The following SDK1 variants were observed in gnomAD, a reference collection of about 807,000 sequenced individuals.
The protein encoded by SDK1 is sidekick cell adhesion molecule 1.
In SDK1, 157 loss-of-function variants were observed where a neutral mutation model predicts 245.5. That is an observed-to-expected ratio of 0.64 (90% CI 0.56 to 0.73). The LOEUF (loss-of-function observed/expected upper bound fraction) is 0.73. Ranked by LOEUF, SDK1 falls within the 30% of genes least tolerant of loss-of-function variation. SDK1 has a pLI of 0.00. For synonymous variants in SDK1, 1,647 were observed against 1,278.5 expected, an observed-to-expected ratio of 1.29 and a Z score of -6.15; for missense variants, 3,583 against 3,002.3, an observed-to-expected ratio of 1.19 and a Z score of -4.52.
intron 1 of SDK1, among the ~76,000 whole-genome samples, chr7:3,435,447 C>G (rs1779994902): frequency 6.7e-6 from 1 of 149,806 alleles, no homozygotes; most frequent in South Asian, 2.1e-4. Context: ...TATCCTGCCT[C>G]AGGCTCCTGA....
At chr7:3,408,575 G>A (rs1430267160) in intron 1 of SDK1, among the ~76,000 whole-genome samples, 2 of 152,064 alleles carry the variant, frequency 1.3e-5, no homozygotes, top group African/African-American at 4.8e-5. Context: ...CATTTGTTTT[G>A]TTATTCAAGG....
At chr7:3,644,609 A>T (rs973526878) in intron 4 of SDK1, among the ~76,000 whole-genome samples, 4 of 149,456 alleles carry the variant, frequency 2.7e-5, no homozygotes, top group Admixed American at 6.7e-5. Flanking sequence ...ACTGAAAATT[A>T]AAAAAAAATA....
chr7:3,894,982 A>C (rs1029495812), intron 5 of SDK1, among the ~76,000 whole-genome samples: 2 of 152,030 alleles, frequency 1.3e-5, no homozygotes, highest in Non-Finnish European at 2.9e-5. Flanking sequence ...AGCCCTGCCA[A>C]GACTCTCATT....
At chr7:3,881,878 C>T (rs550205694) in intron 5 of SDK1, among the ~76,000 whole-genome samples, 28 of 152,124 alleles carry the variant, frequency 1.8e-4, no homozygotes, top group East Asian at 5.8e-4. Context: ...GGATGGGCTA[C>T]GGAAGCTTGG....
At chr7:3,692,115 T>G (rs1784454442) in intron 4 of SDK1, among the ~76,000 whole-genome samples, 1 of 152,206 alleles carries the variant, frequency 6.6e-6, no homozygotes, top group Admixed American at 6.5e-5. Flanking sequence ...AAGACAGACA[T>G]TAAGTAAATA....
chr7:3,566,583 C>T (rs573176671), intron 1 of SDK1, among the ~76,000 whole-genome samples: 1 of 151,910 alleles, frequency 6.6e-6, no homozygotes, highest in African/African-American at 2.4e-5. Context: ...GATTTTATCA[C>T]CATTACAGAT....
At chr7:3,729,837 C>T (rs746553072) in intron 4 of SDK1, among the ~76,000 whole-genome samples, 2 of 151,658 alleles carry the variant, frequency 1.3e-5, no homozygotes, top group East Asian at 1.9e-4. Flanking sequence ...AGAAAATCCT[C>T]GGTTCTCGGC....
intron 1 of SDK1, among the ~76,000 whole-genome samples, chr7:3,323,982 C>T (rs563917724): frequency 2.0e-5 from 3 of 152,282 alleles, no homozygotes; most frequent in South Asian, 2.1e-4. Flanking sequence ...CGTTTGGTCT[C>T]ATATTCCTCT....
intron 1 of SDK1, among the ~76,000 whole-genome samples, chr7:3,565,493 A>G (rs187239393): frequency 6.6e-6 from 1 of 152,246 alleles, no homozygotes; most frequent in Admixed American, 6.5e-5. Flanking sequence ...AAAGGAATAG[A>G]TAAAATTGTC....
chr7:4,086,063 A>G (rs113114807), intron 22 of SDK1, among the ~76,000 whole-genome samples: 1 of 152,096 alleles, frequency 6.6e-6, no homozygotes, highest in African/African-American at 2.4e-5. Flanking sequence ...TCTTTCTGGC[A>G]ACATAAACAG....
rs555059429 is a variant in SDK1 at position 3,305,789 on chromosome 7, C to A, written c.298+3905C>A. Among the ~76,000 whole-genome samples, 4 of 149,646 alleles carry A rather than the reference C, an allele frequency of 2.7e-5. No individual in the cohort carries two copies. The South Asian group carries it at 8.4e-4, about 31-fold the overall frequency. On this transcript the variant is annotated intron_variant, in intron 1 of 44. Coordinates refer to ENST00000404826, the MANE Select transcript of SDK1 (RefSeq NM_152744.4). ...CAAATCCAACAATAAGCAGTTATTA[C>A]CCTCTATGCAGTCTGCATAGCCACC...
intron 5 of SDK1, among the ~76,000 whole-genome samples, chr7:3,835,557 A>G (rs1780012185): frequency 6.6e-6 from 1 of 151,622 alleles, no homozygotes; most frequent in Non-Finnish European, 1.5e-5. Flanking sequence ...AAGTCCTCTC[A>G]CCCCCCTTCT....
chr7:3,935,814 C>T (rs929667395), intron 5 of SDK1, among the ~76,000 whole-genome samples: 1 of 152,172 alleles, frequency 6.6e-6, no homozygotes, highest in Non-Finnish European at 1.5e-5. Flanking sequence ...ACGAAGTAGC[C>T]TTTGGAAAAC....
intron 1 of SDK1, among the ~76,000 whole-genome samples, chr7:3,495,376 G>A (rs901186989): frequency 2.7e-5 from 4 of 148,158 alleles, no homozygotes; most frequent in Non-Finnish European, 3.0e-5. Context: ...TCCTGCCTCA[G>A]CCTCCTGAGT....
chr7:3,390,208 G>T lies in SDK1; in HGVS notation c.298+88324G>T, dbSNP rs990818007. ...TGGTCTGCAGCTTCAGCTTCATGCC[G>T]GAGGGTTCCAGGGTGCCCTTTCTGA... On this transcript the variant is annotated intron_variant, in intron 1 of 44. Transcript: ENST00000404826. 2.6e-5 allele frequency among the ~76,000 whole-genome samples: 4 copies of T among 152,130 alleles called. No homozygotes were observed. In the East Asian group the frequency reaches 5.8e-4, roughly 22 times the overall value.
At chr7:3,302,183 C>G (rs1315889610) in intron 1 of SDK1, 2 of 155,670 alleles carry the variant, frequency 1.3e-5, no homozygotes, top group Non-Finnish European at 2.8e-5. Context: ...AAAGGATGCC[C>G]GAGTCCCCTT....
chr7:3,659,314 C>T (rs996043970), intron 4 of SDK1, among the ~76,000 whole-genome samples: 3 of 152,052 alleles, frequency 2.0e-5, no homozygotes, highest in Admixed American at 6.5e-5. Context: ...TCAGAATTTC[C>T]AGCCTGGTAA....
At chr7:3,321,073 A>G (rs1012651738) in intron 1 of SDK1, among the ~76,000 whole-genome samples, 29 of 152,224 alleles carry the variant, frequency 1.9e-4, no homozygotes, top group African/African-American at 6.8e-4. Flanking sequence ...GCAATCCTAA[A>G]ATTTTAAGAT....
intron 30 of SDK1, among the ~76,000 whole-genome samples, chr7:4,156,914 A>C (rs1431898119): frequency 2.4e-4 from 37 of 152,136 alleles, no homozygotes; most frequent in Non-Finnish European, 4.4e-5. Context: ...GTGATAGTTG[A>C]GACTTTTAGA....
Sources: gnomAD v4.1 joint callset for allele counts (sites outside exome capture counted in the v4.1 genomes callset) on GRCh38, gnomAD v4.1.1 for gene constraint, MANE v1.5 for transcripts, NCBI Gene and HGNC (gene_info 2026-07-23, HGNC 2026-07-21) for gene names.